Variants in MYH14 observed in about 807,000 individuals in gnomAD.
MYH14 encodes myosin-14.
A neutral mutation model predicts 255.5 loss-of-function variants in MYH14; 123 were observed. The ratio of observed to expected loss-of-function variants is 0.48; its 90% confidence interval spans 0.42 to 0.56. MYH14 has a LOEUF of 0.56. Among genes scored for constraint, MYH14 ranks in the 20% least tolerant of loss-of-function variants. The pLI is 0.00. For synonymous variants in MYH14, 1,095 were observed against 1,161.2 expected (o/e 0.94, Z 1.16); for missense variants, 2,423 against 2,802.3 (o/e 0.86, Z 3.06).
chr19:50,209,106 C>T (rs1380910125), intron 1 of MYH14, among the ~76,000 whole-genome samples: 8 of 152,054 alleles, frequency 5.3e-5, no homozygotes, highest in Non-Finnish European at 1.0e-4. Flanking sequence ...TGTGGTGAGC[C>T]GTGGTTGTAC....
chr19:50,210,465 C>T lies in MYH14; in HGVS notation c.100C>T (p.Pro34Ser), dbSNP rs746349664. ...AQPFLFTPRG[P>S]SAGGGPGSGT... Reference sequence around the variant, plus strand: ...GCCGTTCCTGTTCACGCCCCGCGGGCCCAGCGCGGGTGGCGGGCCTGGCTC... The same window carrying T: ...GCCGTTCCTGTTCACGCCCCGCGGGTCCAGCGCGGGTGGCGGGCCTGGCTC... The change falls in exon 2 of 43, where the codon CCC becomes TCC. Residue 34 changes from proline (P) to serine (S), a missense_variant. Pro to Ser is a moderately conservative substitution (Grantham distance 74). Transcript: ENST00000642316. 2 of 1,548,612 alleles carry T rather than the reference C, an allele frequency of 1.3e-6. No homozygotes were observed. Among genetic ancestry groups the T allele is most frequent in the South Asian group, 1.2e-5 (1 of 84,234 alleles).
chr19:50,293,419 G>C lies in MYH14; in HGVS notation c.5345+98G>C, dbSNP rs2036154674. On this transcript the variant is annotated intron_variant, in intron 38 of 42. Coordinates refer to ENST00000642316, the MANE Select transcript of MYH14 (RefSeq NM_001145809.2). The surrounding 1 kb of genome is among the most constrained non-coding windows in gnomAD (Gnocchi z 4.1). ...GCTGGGCTCTGGGACAGGAAACTGGGAGGTGGGCGGGGTTAACCTCGGGGC... is the reference window on the plus strand; with the variant it reads ...GCTGGGCTCTGGGACAGGAAACTGGCAGGTGGGCGGGGTTAACCTCGGGGC... 2 of 1,515,646 alleles carry C rather than the reference G, an allele frequency of 1.3e-6. No individual in the cohort carries two copies. Among genetic ancestry groups the C allele is most frequent in the Non-Finnish European group, 1.8e-6 (2 of 1,112,742 alleles). 93.9% of individuals were successfully genotyped at this position (1,515,646 alleles called of 1,614,324 possible).
chr19:50,219,928 C>T (rs939450738), intron 3 of MYH14, among the ~76,000 whole-genome samples: 1 of 151,838 alleles, frequency 6.6e-6, no homozygotes, highest in Admixed American at 6.6e-5. Flanking sequence ...AGGCCAGGGG[C>T]GGTGGCTCAC....
chr19:50,286,417 C>T (rs989877609), intron 33 of MYH14, 65 bp from the exon 34 acceptor site: 80 of 1,450,538 alleles, frequency 5.5e-5, no homozygotes, highest in Non-Finnish European at 6.6e-5. Flanking sequence ...TCCCTCTTCC[C>T]GTTCCCTTGT....
chr19:50,241,208 G>T (rs982255872), intron 10 of MYH14, among the ~76,000 whole-genome samples: 1 of 152,094 alleles, frequency 6.6e-6, no homozygotes, highest in East Asian at 1.9e-4. Context: ...AGGCCCAGGC[G>T]GGCGGATCAC....
intron 10 of MYH14, among the ~76,000 whole-genome samples, chr19:50,238,980 C>A (rs148415889): frequency 6.2e-4 from 94 of 152,230 alleles, no homozygotes; most frequent in African/African-American, 2.2e-3. Flanking sequence ...AGTCCACAGA[C>A]CTTAGGCCAG....
Position 50,266,998 on chromosome 19 carries a change from G to C in MYH14, c.2816G>C (p.Arg939Pro). 1.3e-6 allele frequency: 2 copies of C among 1,565,044 alleles called. No individual in the cohort carries two copies. Among genetic ancestry groups the C allele is most frequent in the Non-Finnish European group, 1.7e-6 (2 of 1,155,854 alleles). ...CGCGAAGTTGGGGAGCTCCAGGGCC[G>C]AGTGGCACAGGTGAGGGGGCGGGGG... ...SAREVGELQG[R>P]VAQLEEERAR... The change falls in exon 23 of 43, where the codon CGA (arginine) becomes CCA (proline). Residue 939 changes from arginine to proline, a missense_variant. Coordinates refer to ENST00000642316, the MANE Select transcript of MYH14 (RefSeq NM_001145809.2). The surrounding 1 kb of genome is among the most constrained non-coding windows in gnomAD (Gnocchi z 4.1).
At position 50,275,972 on chromosome 19, in the gene MYH14, C is replaced by T. The variant is rs373776564; in HGVS notation, c.3468-19C>T. 4.1e-5 allele frequency: 65 copies of T among 1,601,042 alleles called. No individual in the cohort carries two copies. In the African/African-American group the frequency reaches 6.9e-4, roughly 17 times the overall value. On this transcript the variant is annotated intron_variant, in intron 27 of 42. Coordinates refer to ENST00000642316, the MANE Select transcript of MYH14 (RefSeq NM_001145809.2). ...CTGGCCTGCCCCTGTATCAACTCCA[C>T]GGTTCTTGTCACCCCCAGGGCAGAA...
Position 50,278,088 on chromosome 19 carries a change from A to G in MYH14, c.3831A>G (p.Lys1277=). 6.4e-7 allele frequency: 1 copy of G among 1,570,644 alleles called. No individual in the cohort carries two copies. The highest frequency in any genetic ancestry group is 8.7e-7 in the Non-Finnish European group (1 of 1,151,420). Residue 1277 remains lysine, a synonymous_variant, in exon 30 of 43, where the codon AAA becomes AAG. Coordinates refer to ENST00000642316, the MANE Select transcript of MYH14 (RefSeq NM_001145809.2). ...AEQLEQARRG[K]GAWEKTRLAL... is the part of the protein sequence containing the mutation. The stretch of plus-strand genomic sequence containing the variant: ...TCATCTCCTTCCCACACCAGGGCAA[A>G]GGTGCATGGGAGAAGACCCGGCTGG...
intron 18 of MYH14, among the ~76,000 whole-genome samples, chr19:50,257,697 A>G (rs889281565): frequency 3.3e-5 from 5 of 152,204 alleles, no homozygotes; most frequent in Admixed American, 3.3e-4. Flanking sequence ...TGTGCTGGGA[A>G]CAGGTACTGG....
chr19:50,220,121 G>A (rs2032735595), intron 3 of MYH14, among the ~76,000 whole-genome samples: 3 of 151,906 alleles, frequency 2.0e-5, no homozygotes, highest in Admixed American at 1.3e-4. Context: ...TCATGGCTTC[G>A]AAACCCATCG....
At chr19:50,204,504 C>G (rs551028335) in intron 1 of MYH14, among the ~76,000 whole-genome samples, 2 of 152,158 alleles carry the variant, frequency 1.3e-5, no homozygotes, top group Non-Finnish European at 2.9e-5. Context: ...CTCCCTCTTA[C>G]GCTGTGTGAT....
chr19:50,209,707 C>G (rs2032045167), intron 1 of MYH14, among the ~76,000 whole-genome samples: 1 of 150,810 alleles, frequency 6.6e-6, no homozygotes, highest in Non-Finnish European at 1.5e-5. Context: ...TGGCGTGAAC[C>G]CAGGAGGCGG....
intron 19 of MYH14, 127 bp from the exon 20 acceptor site, chr19:50,260,519 C>T (rs184863217): frequency 1.4e-4 from 94 of 666,100 alleles, no homozygotes; most frequent in Middle Eastern, 2.4e-4. Context: ...AGTTTTGTGA[C>T]TGTCCTTGTT....
intron 11 of MYH14, among the ~76,000 whole-genome samples, chr19:50,244,681 C>T (rs545131547): frequency 2.3e-4 from 35 of 152,150 alleles, no homozygotes; most frequent in African/African-American, 7.7e-4. Flanking sequence ...GACGGAGTGT[C>T]ACCGTGTTAA....
chr19:50,244,445 C>A, intron 11 of MYH14, 108 bp downstream of exon 11: 1 of 809,592 alleles, frequency 1.2e-6, no homozygotes. Flanking sequence ...CCAGCCACAC[C>A]TGTCTCCAAC....
chr19:50,275,592 C>T (rs1027381563), intron 27 of MYH14, among the ~76,000 whole-genome samples: 4 of 152,052 alleles, frequency 2.6e-5, no homozygotes, highest in Non-Finnish European at 2.9e-5. Context: ...TTTGTAAGGC[C>T]GAGGTGGGAG....
intron 5 of MYH14, 48 bp downstream of exon 5, chr19:50,223,397 C>A: frequency 7.9e-7 from 1 of 1,271,468 alleles, no homozygotes; most frequent in Non-Finnish European, 1.1e-6. Context: ...CACAGCACTG[C>A]CCCTTCCATC....
At chr19:50,215,728 A>C (rs1372619161) in intron 2 of MYH14, among the ~76,000 whole-genome samples, 2 of 152,104 alleles carry the variant, frequency 1.3e-5, no homozygotes, top group Non-Finnish European at 2.9e-5. Context: ...CTGAGGTGGG[A>C]GGATTGTTTG....
Sources: allele counts gnomAD v4.1 joint callset (sites outside exome capture counted in the v4.1 genomes callset), GRCh38; gene constraint gnomAD v4.1.1; non-coding constraint Gnocchi (gnomAD v3.1); transcripts MANE v1.5; gene names NCBI Gene and HGNC (gene_info 2026-07-23, HGNC 2026-07-21).